Variants in GRID2 observed in about 807,000 individuals in gnomAD.
GRID2 encodes the protein glutamate receptor ionotropic, delta-2.
A neutral mutation model predicts 114.8 loss-of-function variants in GRID2; 33 were observed. That is an observed-to-expected ratio of 0.29 (90% CI 0.22 to 0.38). GRID2 has a LOEUF of 0.38. GRID2 is among the 10% of genes least tolerant of loss of function. GRID2 has a pLI of 1.00. For missense variants in GRID2, 1,184 were observed against 1,257.7 expected, an observed-to-expected ratio of 0.94 and a Z score of 0.89; for synonymous variants, 505 against 449.9, an observed-to-expected ratio of 1.12 and a Z score of -1.55.
rs1270591980 is a variant in GRID2 at position 92,632,736 on chromosome 4, G to GGGAAGAAGTGAAGGAAGGGAA, written c.244+42473_244+42493dup. Among the ~76,000 whole-genome samples, 361 of 148,006 alleles carry GGGAAGAAGTGAAGGAAGGGAA rather than the reference G, an allele frequency of 2.4e-3. 1 individual carries two copies. Among genetic ancestry groups the GGGAAGAAGTGAAGGAAGGGAA allele is most frequent in the African/African-American group, 8.3e-3 (341 of 40,988 alleles). ...GGAAGGAGTGAAGAAAGGGAAGGAA[G>GGGAAGAAGTGAAGGAAGGGAA]GGAAGAAGTGAAGGAAGGGAAGGAA... On this transcript the variant is annotated intron_variant, in intron 2 of 15. Coordinates refer to ENST00000282020, the MANE Select transcript of GRID2 (RefSeq NM_001510.4).
At chr4:92,499,968 T>C (rs1723590765) in intron 1 of GRID2, among the ~76,000 whole-genome samples, 1 of 152,218 alleles carries the variant, frequency 6.6e-6, no homozygotes, top group Non-Finnish European at 1.5e-5. Context: ...AAATAATTGA[T>C]ATTTTAAATT....
intron 2 of GRID2, among the ~76,000 whole-genome samples, chr4:93,042,117 A>C (rs1164197121): frequency 6.6e-6 from 1 of 151,840 alleles, no homozygotes; most frequent in African/African-American, 2.4e-5. Flanking sequence ...GTTAGCCAGG[A>C]TGGTCTCAAT....
chr4:93,460,824 AAAACTCACT>A (rs1170172678), intron 11 of GRID2, among the ~76,000 whole-genome samples: 1 of 152,020 alleles, frequency 6.6e-6, no homozygotes, highest in Non-Finnish European at 1.5e-5. Flanking sequence ...CAAATGACTT[AAAACTCACT>A]AAACCAAAAA....
intron 2 of GRID2, among the ~76,000 whole-genome samples, chr4:92,637,251 T>G (rs1334287334): frequency 1.3e-5 from 2 of 152,034 alleles, no homozygotes; most frequent in African/African-American, 4.8e-5. Context: ...TTTAGTAGCC[T>G]TTAAAATATC....
intron 2 of GRID2, among the ~76,000 whole-genome samples, chr4:92,889,336 T>C (rs1746583078): frequency 6.6e-6 from 1 of 152,176 alleles, no homozygotes; most frequent in Admixed American, 6.5e-5. Flanking sequence ...TGTCTCTGTT[T>C]GCAGATGACA....
intron 10 of GRID2, among the ~76,000 whole-genome samples, chr4:93,438,683 T>C (rs1721333042): frequency 6.6e-6 from 1 of 152,118 alleles, no homozygotes; most frequent in Admixed American, 6.5e-5. Flanking sequence ...TTCTTTATTT[T>C]ATTTTATTAT....
At chr4:93,453,871 C>T (rs976756753) in intron 10 of GRID2, among the ~76,000 whole-genome samples, 2 of 151,950 alleles carry the variant, frequency 1.3e-5, no homozygotes, top group African/African-American at 4.8e-5. Context: ...ATCTTCTGAG[C>T]ACCTAATTGA....
chr4:93,106,725 G>C (rs184313641), intron 3 of GRID2, among the ~76,000 whole-genome samples: 2 of 151,114 alleles, frequency 1.3e-5, no homozygotes, highest in Admixed American at 1.3e-4. Flanking sequence ...ATGGGTATTT[G>C]GTGTCATTTC....
intron 14 of GRID2, among the ~76,000 whole-genome samples, chr4:93,723,070 A>G (rs997950709): frequency 2.0e-5 from 3 of 152,150 alleles, no homozygotes; most frequent in South Asian, 2.1e-4. Context: ...ACTTTCATCA[A>G]TTGGATAGGG....
At chr4:92,741,600 T>G (rs1215057427) in intron 2 of GRID2, among the ~76,000 whole-genome samples, 1 of 152,188 alleles carries the variant, frequency 6.6e-6, no homozygotes, top group African/African-American at 2.4e-5. Context: ...TCACTCTGCT[T>G]CTCATGTGGG....
intron 14 of GRID2, among the ~76,000 whole-genome samples, chr4:93,767,246 C>A (rs1000312014): frequency 7.2e-5 from 11 of 152,048 alleles, no homozygotes; most frequent in African/African-American, 2.7e-4. Context: ...TTGTAAATTC[C>A]CAAGAGTGTG....
intron 1 of GRID2, among the ~76,000 whole-genome samples, chr4:92,483,530 G>A (rs377522820): frequency 5.9e-4 from 90 of 152,100 alleles, no homozygotes; most frequent in African/African-American, 1.4e-3. Context: ...TAAAGCTCTC[G>A]TTACTGAATA....
intron 4 of GRID2, among the ~76,000 whole-genome samples, chr4:93,201,815 A>G (rs1742137801): frequency 6.6e-6 from 1 of 152,230 alleles, no homozygotes. Flanking sequence ...TGGAAGACAC[A>G]GTGATAAATT....
intron 2 of GRID2, among the ~76,000 whole-genome samples, chr4:93,066,384 T>G (rs1365502549): frequency 1.3e-5 from 2 of 151,948 alleles, no homozygotes; most frequent in Non-Finnish European, 2.9e-5. Context: ...TGGATAAAGA[T>G]TTGCCTGGAC....
chr4:93,741,159 C>CTATATATATATATACATATATA (rs1392063081), intron 14 of GRID2, among the ~76,000 whole-genome samples: 2 of 47,186 alleles, frequency 4.2e-5, no homozygotes, highest in African/African-American at 1.3e-4. Flanking sequence ...ACCTGAGAAA[C>CTATATATATATATACATATATA]TATATATATA....
chr4:93,123,313 A>G (rs1299635259), intron 4 of GRID2, among the ~76,000 whole-genome samples: 1 of 152,188 alleles, frequency 6.6e-6, no homozygotes, highest in Non-Finnish European at 1.5e-5. Context: ...TATCCAAGCA[A>G]TAATTTGAAT....
In GRID2 at chr4:92,460,055, C is replaced by CACAT. The variant is rs1553937301; in HGVS notation, c.89-130073_89-130072insTACA. On this transcript the variant is annotated intron_variant, in intron 1 of 15. Transcript: ENST00000282020. ...CACTATATATATATATATATATATA[C>CACAT]ACACACAACTTTTTGGTTCTGTTTC... 2.1e-4 allele frequency among the ~76,000 whole-genome samples: 8 copies of CACAT among 37,460 alleles called. 1 individual carries two copies. The highest frequency in any genetic ancestry group is 6.9e-4 in the African/African-American group (8 of 11,536). The allele number at this position is 37,460 out of a possible 152,430, so 24.6% of individuals were successfully genotyped here.
At chr4:92,367,650 G>C (rs964521789) in intron 1 of GRID2, among the ~76,000 whole-genome samples, 3 of 152,058 alleles carry the variant, frequency 2.0e-5, no homozygotes, top group African/African-American at 7.2e-5. Context: ...GATCACTTAG[G>C]ATACATAAGC....
chr4:92,930,115 C>A (rs919719355), intron 2 of GRID2, among the ~76,000 whole-genome samples: 6 of 151,200 alleles, frequency 4.0e-5, no homozygotes, highest in Non-Finnish European at 8.9e-5. Context: ...AATGAGGATA[C>A]CGGAAGTCAC....
Sources: allele counts gnomAD v4.1 joint callset (sites outside exome capture counted in the v4.1 genomes callset), GRCh38; gene constraint gnomAD v4.1.1; transcripts MANE v1.5; gene names NCBI Gene and HGNC (gene_info 2026-07-23, HGNC 2026-07-21).